Variants in CARMIL1 observed in about 807,000 individuals in gnomAD.
The protein encoded by CARMIL1 is capping protein regulator and myosin 1 linker 1, also known as F-actin-uncapping protein LRRC16A.
CARMIL1 carries 90 observed loss-of-function variants against 177.1 expected under a neutral mutation model. The ratio of observed to expected loss-of-function variants is 0.51; its 90% CI spans 0.43 to 0.61. CARMIL1 has a LOEUF of 0.61. Ranked by LOEUF, CARMIL1 falls within the 20% of genes least tolerant of loss-of-function variation. The probability of loss-of-function intolerance (pLI) is 0.00; values close to 1 mark genes in which losing one functional copy is unlikely to be tolerated. For missense variants in CARMIL1, 1,380 were observed against 1,667.0 expected (o/e 0.83, Z 3.00); for synonymous variants, 577 against 606.2 (o/e 0.95, Z 0.71).
At chr6:25,394,407 T>C (rs1793172027) in intron 2 of CARMIL1, among the ~76,000 whole-genome samples, 1 of 152,232 alleles carries the variant, frequency 6.6e-6, no homozygotes, top group South Asian at 2.1e-4. Context: ...TACCCAATAT[T>C]ACACAGTTCC....
intron 31 of CARMIL1, among the ~76,000 whole-genome samples, chr6:25,585,653 G>A (rs1813572234): frequency 6.6e-6 from 1 of 152,200 alleles, no homozygotes; most frequent in Non-Finnish European, 1.5e-5. Flanking sequence ...AGATAAATAT[G>A]TGAACAAGGG....
At chr6:25,448,736 G>A (rs1798482106) in intron 5 of CARMIL1, among the ~76,000 whole-genome samples, 1 of 152,128 alleles carries the variant, frequency 6.6e-6, no homozygotes, top group Non-Finnish European at 1.5e-5. Context: ...CAGCATCTGT[G>A]TTTAATCATG....
chr6:25,484,985 T>G (rs1802481301), intron 12 of CARMIL1, among the ~76,000 whole-genome samples: 1 of 152,146 alleles, frequency 6.6e-6, no homozygotes, highest in Non-Finnish European at 1.5e-5. Flanking sequence ...CAGTGAGCTA[T>G]GACAGGGCCA....
chr6:25,398,563 G>C (rs923740066), intron 2 of CARMIL1, among the ~76,000 whole-genome samples: 6 of 152,198 alleles, frequency 3.9e-5, no homozygotes, highest in East Asian at 3.8e-4. Context: ...GTGTTAGCAA[G>C]TCCTGTTTAT....
At chr6:25,323,877 A>G (rs1459809379) in intron 2 of CARMIL1, among the ~76,000 whole-genome samples, 2 of 152,190 alleles carry the variant, frequency 1.3e-5, no homozygotes, top group African/African-American at 4.8e-5. Flanking sequence ...CCATCAAATT[A>G]TAAGAGATTA....
chr6:25,343,383 TAA>T (rs1787157511), intron 2 of CARMIL1, among the ~76,000 whole-genome samples: 1 of 150,982 alleles, frequency 6.6e-6, no homozygotes, highest in Admixed American at 6.6e-5. Flanking sequence ...GAACAAGGGA[TAA>T]GTCTGTACCT....
At chr6:25,567,533 G>A (rs1203746034) in intron 29 of CARMIL1, among the ~76,000 whole-genome samples, 1 of 152,150 alleles carries the variant, frequency 6.6e-6, no homozygotes, top group Non-Finnish European at 1.5e-5. Context: ...TGGTTAATCA[G>A]GCTGTACTTC....
chr6:25,526,205 TG>T (rs1358140129), intron 23 of CARMIL1, among the ~76,000 whole-genome samples: 1 of 150,458 alleles, frequency 6.6e-6, no homozygotes, highest in Non-Finnish European at 1.5e-5. Flanking sequence ...AAGCCAGGCG[TG>T]GTGGTGGGCA....
chr6:25,509,746 G>A lies in CARMIL1; in HGVS notation c.1477+9G>A. On this transcript the variant is annotated intron_variant, in intron 18 of 36. Transcript: ENST00000329474. This position sits in a 1 kb window ranked among gnomAD's most constrained non-coding sequence, Gnocchi z 4.1. ...AGACATCTCTGACAATGGTAAGTCA[G>A]ATATTGAAAAGAAATGAAACTGAAA... The A allele has an allele frequency of 6.4e-7, 1 of 1,560,852 alleles. No homozygotes were observed. The highest frequency in any genetic ancestry group is 8.7e-7 in the Non-Finnish European group (1 of 1,145,560).
Position 25,420,043 on chromosome 6 carries a change from C to T in CARMIL1, c.139-71C>T, listed in dbSNP as rs186180174. The T allele has an allele frequency of 1.2e-4, 139 of 1,174,252 alleles. 2 individuals are homozygous for T. The highest frequency in any genetic ancestry group is 9.9e-4 in the East Asian group (42 of 42,632). The allele number at this position is 1,174,252 out of a possible 1,614,324, so 72.7% of individuals were successfully genotyped here. A position where few individuals can be genotyped will look rare whatever the true frequency, so the allele number is the denominator to read the frequency against. On this transcript the variant is annotated intron_variant, in intron 2 of 36. Transcript: ENST00000329474. ...TGAGGTTTCAGTATCATTAAAGTCC[C>T]GTGGAAACACCAAAGCCCACTGGCC... is the stretch of plus-strand genomic sequence containing the variant.
rs202228691 is a variant in CARMIL1 at position 25,282,007 on chromosome 6, C to G, written c.40+2172C>G. ...GCACGTGGCTGTAATCCCAGCTACTCGGGAGGCTGAGGCAGGAGAATCACT... is the reference window on the plus strand; with the variant it reads ...GCACGTGGCTGTAATCCCAGCTACTGGGGAGGCTGAGGCAGGAGAATCACT... On this transcript the variant is annotated intron_variant, in intron 1 of 36. Transcript: ENST00000329474. Among the ~76,000 whole-genome samples the G allele has an allele frequency of 3.3e-5, 5 of 150,088 alleles. No individual in the cohort carries two copies. The East Asian group carries it at 1.0e-3, about 30-fold the overall frequency.
At chr6:25,560,754 T>C (rs1461621193) in intron 29 of CARMIL1, among the ~76,000 whole-genome samples, 3 of 152,220 alleles carry the variant, frequency 2.0e-5, no homozygotes, top group Non-Finnish European at 2.9e-5. Flanking sequence ...TTGCATTCAA[T>C]TTAGTTATAC....
intron 3 of CARMIL1, among the ~76,000 whole-genome samples, chr6:25,425,540 A>C (rs575307716): frequency 1.1e-4 from 16 of 152,032 alleles, no homozygotes; most frequent in African/African-American, 3.9e-4. Flanking sequence ...TTAATGTGGG[A>C]GGGTAAAAAA....
intron 2 of CARMIL1, among the ~76,000 whole-genome samples, chr6:25,382,521 G>C (rs1272297005): frequency 1.3e-5 from 2 of 152,120 alleles, no homozygotes; most frequent in African/African-American, 4.8e-5. Flanking sequence ...GACCCGAGTG[G>C]GTTGCTGCTG....
chr6:25,279,862 C>T, intron 1 of CARMIL1, 27 bp downstream of exon 1: 1 of 1,612,762 alleles, frequency 6.2e-7, no homozygotes, highest in Non-Finnish European at 8.5e-7. Context: ...TGTTGGTTTT[C>T]CACCTTCCTC....
chr6:25,601,094 G>A (rs1815354780), intron 33 of CARMIL1, among the ~76,000 whole-genome samples: 1 of 152,172 alleles, frequency 6.6e-6, no homozygotes, highest in South Asian at 2.1e-4. Context: ...ATAAGTGGGG[G>A]TTCATTTTTG....
chr6:25,349,973 C>T (rs1195360930), intron 2 of CARMIL1, among the ~76,000 whole-genome samples: 13 of 152,018 alleles, frequency 8.6e-5, no homozygotes, highest in Admixed American at 2.6e-4. Context: ...GTGATCCGCC[C>T]GCCTTAGCCT....
intron 3 of CARMIL1, among the ~76,000 whole-genome samples, chr6:25,420,698 T>C (rs149885618): frequency 1.8e-4 from 28 of 152,320 alleles, no homozygotes; most frequent in South Asian, 1.7e-3. Context: ...CTGTAAGAAA[T>C]AACAAGATGC....
At chr6:25,614,796 G>C (rs1816768896) in intron 36 of CARMIL1, among the ~76,000 whole-genome samples, 1 of 152,190 alleles carries the variant, frequency 6.6e-6, no homozygotes, top group South Asian at 2.1e-4. Context: ...ATCCAATGAG[G>C]CTTTGCGTTA....
Sources: gnomAD v4.1 joint callset for allele counts (sites outside exome capture counted in the v4.1 genomes callset) on GRCh38, gnomAD v4.1.1 for gene constraint, Gnocchi (gnomAD v3.1) non-coding constraint, MANE v1.5 for transcripts, NCBI Gene and HGNC (gene_info 2026-07-23, HGNC 2026-07-21) for gene names.